Variants in ENTREP2 observed in about 807,000 individuals in gnomAD.
ENTREP2 encodes protein ENTREP2.
chr15:29,397,941 T>G, the ENTREP2 span, among the ~76,000 whole-genome samples: 2 of 152,024 alleles, frequency 1.3e-5, no homozygotes, highest in African/African-American at 4.8e-5. Context: ...ATTTTTCCTG[T>G]GCTGGATCAA....
the ENTREP2 span, chr15:29,267,238 T>C: frequency 1.3e-5 from 2 of 152,088 alleles, no homozygotes; most frequent in Non-Finnish European, 2.9e-5. Flanking sequence ...GAGTTAAAAA[T>C]ATTTGCCTTA....
the ENTREP2 span, among the ~76,000 whole-genome samples, chr15:29,133,077 T>C: frequency 6.6e-6 from 1 of 152,158 alleles, no homozygotes; most frequent in Non-Finnish European, 1.5e-5. Context: ...GGCTACAGCA[T>C]GGAGCTTCCC....
chr15:29,610,434 G>A, the ENTREP2 span: 1 of 150,356 alleles, frequency 6.7e-6, no homozygotes, highest in African/African-American at 2.4e-5. Context: ...CATTCCTGTT[G>A]GTACTGGAGT....
the ENTREP2 span, among the ~76,000 whole-genome samples, chr15:29,225,718 A>T: frequency 6.6e-6 from 1 of 152,124 alleles, no homozygotes; most frequent in Non-Finnish European, 1.5e-5. Flanking sequence ...GAACCGGGGG[A>T]CACATGGCAA....
At chr15:29,404,311 T>C in the ENTREP2 span, among the ~76,000 whole-genome samples, 1 of 152,010 alleles carries the variant, frequency 6.6e-6, no homozygotes, top group African/African-American at 2.4e-5. Context: ...TATGGACAAC[T>C]CGTGCCATGC....
chr15:29,292,907 C>T, the ENTREP2 span, among the ~76,000 whole-genome samples: 1 of 152,192 alleles, frequency 6.6e-6, no homozygotes, highest in Non-Finnish European at 1.5e-5. Flanking sequence ...AGGCCAAATA[C>T]ATTTGCCATG....
At chr15:29,262,424 G>C in the ENTREP2 span, among the ~76,000 whole-genome samples, 109 of 152,324 alleles carry the variant, frequency 7.2e-4, no homozygotes, top group African/African-American at 2.5e-3. Context: ...GACAGGCCTT[G>C]CTGGCTTTAG....
At chr15:29,536,267 T>A in the ENTREP2 span, among the ~76,000 whole-genome samples, 1 of 152,162 alleles carries the variant, frequency 6.6e-6, no homozygotes, top group Non-Finnish European at 1.5e-5. Context: ...ACATGTGTCC[T>A]CTGATTCTGG....
the ENTREP2 span, among the ~76,000 whole-genome samples, chr15:29,219,151 G>T: frequency 6.6e-6 from 1 of 151,144 alleles, no homozygotes; most frequent in Admixed American, 6.6e-5. Flanking sequence ...AGTGGGCTAA[G>T]GACATGAATA....
At chr15:29,617,029 C>A in the ENTREP2 span, among the ~76,000 whole-genome samples, 240 of 152,280 alleles carry the variant, frequency 1.6e-3, no homozygotes, top group African/African-American at 5.6e-3. Flanking sequence ...CACTGCACTC[C>A]AGTCTGGGCA....
At chr15:29,468,929 C>T in the ENTREP2 span, among the ~76,000 whole-genome samples, 1 of 152,190 alleles carries the variant, frequency 6.6e-6, no homozygotes, top group South Asian at 2.1e-4. Context: ...GTTCTTCCAA[C>T]GTTAAGGTAA....
At chr15:29,584,351 C>A in the ENTREP2 span, among the ~76,000 whole-genome samples, 2 of 152,270 alleles carry the variant, frequency 1.3e-5, no homozygotes, top group South Asian at 4.1e-4. Flanking sequence ...ACTTCATCTT[C>A]ATTGCAGCAT....
chr15:29,433,781 G>GA, the ENTREP2 span, among the ~76,000 whole-genome samples: 37 of 136,734 alleles, frequency 2.7e-4, no homozygotes, highest in East Asian at 6.6e-4. Flanking sequence ...TCCTCCATGG[G>GA]AAAAAAAAAA....
chr15:29,131,829 A>G, the ENTREP2 span, among the ~76,000 whole-genome samples: 45 of 125,862 alleles, frequency 3.6e-4, 1 homozygote, highest in African/African-American at 1.2e-3. Context: ...CCACCCAGAC[A>G]AGAAGATCAA....
At chr15:29,417,396 C>CA in the ENTREP2 span, among the ~76,000 whole-genome samples, 1 of 152,108 alleles carries the variant, frequency 6.6e-6, no homozygotes, top group South Asian at 2.1e-4. Flanking sequence ...ATCGCAAGGA[C>CA]AAAAAACCAA....
chr15:29,566,117 A>G, the ENTREP2 span, among the ~76,000 whole-genome samples: 1 of 152,062 alleles, frequency 6.6e-6, no homozygotes, highest in South Asian at 2.1e-4. Flanking sequence ...CGAAAGCTAT[A>G]CATTGTTTGT....
the ENTREP2 span, chr15:29,137,290 G>A: frequency 8.7e-7 from 1 of 1,144,704 alleles, no homozygotes; most frequent in Non-Finnish European, 1.2e-6. Flanking sequence ...GATCAGTTTG[G>A]AATGCCTGTA....
the ENTREP2 span, among the ~76,000 whole-genome samples, chr15:29,538,947 A>G: frequency 1.3e-5 from 2 of 152,196 alleles, no homozygotes; most frequent in African/African-American, 4.8e-5. Flanking sequence ...ATCCATGTAT[A>G]TTAGCAAAAA....
At chr15:29,399,733 AAC>A in the ENTREP2 span, among the ~76,000 whole-genome samples, 1 of 152,264 alleles carries the variant, frequency 6.6e-6, no homozygotes, top group Non-Finnish European at 1.5e-5. Flanking sequence ...ACAGTTGATT[AAC>A]ACACATTCAC....
Sources: allele counts gnomAD v4.1 joint callset (sites outside exome capture counted in the v4.1 genomes callset), GRCh38; gene constraint gnomAD v4.1.1; transcripts MANE v1.5; gene names NCBI Gene and HGNC (gene_info 2026-07-23, HGNC 2026-07-21).